Variants in MACROD2 observed in about 807,000 individuals in gnomAD.
MACROD2 encodes the protein mono-ADP ribosylhydrolase 2, also known as ADP-ribose glycohydrolase MACROD2.
Under a neutral mutation model 70.4 loss-of-function variants are expected in MACROD2, and 36 were observed. The observed-to-expected ratio is 0.51, with a 90% CI of 0.39 to 0.68. MACROD2 has a LOEUF of 0.68. Among genes scored for constraint, MACROD2 ranks in the 30% least tolerant of loss-of-function variants. MACROD2 has a pLI of 0.00. For missense variants in MACROD2, 496 were observed against 538.4 expected, an observed-to-expected ratio of 0.92 and a Z score of 0.78; for synonymous variants, 172 against 178.8, an observed-to-expected ratio of 0.96 and a Z score of 0.30.
Position 14,075,876 on chromosome 20 carries a change from T to C in MACROD2, c.164-9745T>C, listed in dbSNP as rs368867535. Among the ~76,000 whole-genome samples the C allele has an allele frequency of 8.4e-4, 128 of 152,308 alleles. 6 individuals are homozygous for C. In the South Asian group the frequency reaches 0.024, roughly 29 times the overall value. On this transcript the variant is annotated intron_variant, in intron 2 of 17. Coordinates refer to ENST00000684519, the MANE Select transcript of MACROD2 (RefSeq NM_001351661.2). The stretch of plus-strand genomic sequence containing the variant: ...GAATATTTTATCCAGTCAGATGGGC[T>C]TTGGAGACATCCTTAAAGCTGTTCG...
At chr20:15,049,121 C>T (rs1486132216) in intron 5 of MACROD2, among the ~76,000 whole-genome samples, 2 of 151,704 alleles carry the variant, frequency 1.3e-5, no homozygotes, top group East Asian at 3.9e-4. Flanking sequence ...AGATATAATA[C>T]ATGCCACTGT....
intron 8 of MACROD2, among the ~76,000 whole-genome samples, chr20:15,808,275 T>G (rs964242248): frequency 6.6e-6 from 1 of 152,204 alleles, no homozygotes; most frequent in African/African-American, 2.4e-5. Flanking sequence ...ATTTTCCTCT[T>G]CTTCATTACT....
At chr20:14,462,980 C>T (rs1407082446) in intron 3 of MACROD2, among the ~76,000 whole-genome samples, 2 of 152,062 alleles carry the variant, frequency 1.3e-5, no homozygotes, top group Non-Finnish European at 2.9e-5. Flanking sequence ...ATGCCTCCAG[C>T]TTTGTTCTTT....
intron 6 of MACROD2, among the ~76,000 whole-genome samples, chr20:15,364,649 C>G (rs1296726939): frequency 6.6e-6 from 1 of 152,158 alleles, no homozygotes; most frequent in Non-Finnish European, 1.5e-5. Context: ...AATGGTCTCT[C>G]AAATCTACCT....
chr20:15,501,175 A>G (rs1188038847), intron 8 of MACROD2, among the ~76,000 whole-genome samples: 1 of 152,228 alleles, frequency 6.6e-6, no homozygotes, highest in African/African-American at 2.4e-5. Context: ...AGTTCCTTTA[A>G]AAGCCAGTTA....
chr20:15,220,220 G>C (rs908572609), intron 5 of MACROD2, among the ~76,000 whole-genome samples: 1 of 152,142 alleles, frequency 6.6e-6, no homozygotes, highest in Non-Finnish European at 1.5e-5. Context: ...GCCCAGTCTA[G>C]ATTATCCCTT....
chr20:15,106,817 G>A (rs1026454940), intron 5 of MACROD2, among the ~76,000 whole-genome samples: 1 of 151,866 alleles, frequency 6.6e-6, no homozygotes, highest in Non-Finnish European at 1.5e-5. Context: ...ATTACATTAA[G>A]TGCCCTATTA....
chr20:14,364,241 A>T (rs2083251760), intron 3 of MACROD2, among the ~76,000 whole-genome samples: 1 of 152,180 alleles, frequency 6.6e-6, no homozygotes, highest in African/African-American at 2.4e-5. Context: ...GGATTTCCTT[A>T]ACAAGTTACT....
chr20:15,636,089 A>AAAAAAG (rs1459679844), intron 8 of MACROD2, among the ~76,000 whole-genome samples: 1,482 of 134,524 alleles, frequency 0.011, 48 homozygotes, highest in African/African-American at 0.026. Context: ...AAAAAAAAAA[A>AAAAAAG]AAAGAAAGAA....
intron 8 of MACROD2, among the ~76,000 whole-genome samples, chr20:15,775,380 C>CA (rs1200158566): frequency 6.6e-6 from 1 of 151,902 alleles, no homozygotes; most frequent in Non-Finnish European, 1.5e-5. Flanking sequence ...TCTTATCAGC[C>CA]AAAAAAGGAA....
At chr20:15,054,930 G>A (rs1038210302) in intron 5 of MACROD2, among the ~76,000 whole-genome samples, 1 of 147,238 alleles carries the variant, frequency 6.8e-6, no homozygotes. Flanking sequence ...TTACAGGCTT[G>A]TGCCGCCACA....
intron 8 of MACROD2, among the ~76,000 whole-genome samples, chr20:15,592,412 G>C (rs890061279): frequency 6.6e-6 from 1 of 152,196 alleles, no homozygotes; most frequent in Non-Finnish European, 1.5e-5. Context: ...TGATAGTAGA[G>C]GCAGGGTTTG....
At chr20:15,448,542 G>A (rs1231909806) in intron 7 of MACROD2, among the ~76,000 whole-genome samples, 2 of 152,076 alleles carry the variant, frequency 1.3e-5, no homozygotes, top group Non-Finnish European at 2.9e-5. Context: ...TCCCAGCACA[G>A]TGTTTGACAA....
In MACROD2 at chr20:15,750,018, TA is replaced by T. The variant is rs1312860530; in HGVS notation, c.646-112722del. On this transcript the variant is annotated intron_variant, in intron 8 of 17. Coordinates refer to ENST00000684519, the MANE Select transcript of MACROD2 (RefSeq NM_001351661.2). ...GTAGACAAATAAGACTACATTAAAC[TA>T]AAAACCTTTTTCACAGCAAAGGAAA... Among the ~76,000 whole-genome samples the T allele has an allele frequency of 3.3e-5, 5 of 152,042 alleles. No homozygotes were observed. The East Asian group carries it at 9.7e-4, about 29-fold the overall frequency.
At chr20:14,100,338 C>T (rs1016227215) in intron 3 of MACROD2, among the ~76,000 whole-genome samples, 4 of 151,534 alleles carry the variant, frequency 2.6e-5, no homozygotes. Flanking sequence ...CTTAAAGTCA[C>T]ATTCAAAATA....
intron 5 of MACROD2, among the ~76,000 whole-genome samples, chr20:14,808,966 T>TA (rs1467468950): frequency 6.6e-6 from 1 of 152,092 alleles, no homozygotes; most frequent in East Asian, 1.9e-4. Context: ...CAAAGAGACT[T>TA]AGACTCCTAC....
chr20:14,478,569 T>G (rs2084625014), intron 3 of MACROD2, among the ~76,000 whole-genome samples: 1 of 152,188 alleles, frequency 6.6e-6, no homozygotes, highest in Non-Finnish European at 1.5e-5. Context: ...TTCATGAATC[T>G]GTTGGTCTAT....
intron 4 of MACROD2, among the ~76,000 whole-genome samples, chr20:14,512,335 G>A (rs1402388676): frequency 2.1e-5 from 1 of 48,258 alleles, no homozygotes; most frequent in Non-Finnish European, 3.7e-5. Context: ...CGTAGTATGG[G>A]AGTTTCCCCT....
In MACROD2 at chr20:15,670,968, G is replaced by A. The variant is rs928886626; in HGVS notation, c.645+171121G>A. On this transcript the variant is annotated intron_variant, in intron 8 of 17. Coordinates refer to ENST00000684519, the MANE Select transcript of MACROD2 (RefSeq NM_001351661.2). Reference sequence around the variant, plus strand: ...GCTGTGTTTTATGATAAAGAAAAATGTATAAGCTAGTTTTTGCTGTATAAC... The same window carrying A: ...GCTGTGTTTTATGATAAAGAAAAATATATAAGCTAGTTTTTGCTGTATAAC... 2.0e-5 allele frequency among the ~76,000 whole-genome samples: 3 copies of A among 152,180 alleles called. No homozygotes were observed. In the South Asian group the frequency reaches 6.2e-4, roughly 31 times the overall value.
Sources: gnomAD v4.1 joint callset for allele counts (sites outside exome capture counted in the v4.1 genomes callset) on GRCh38, gnomAD v4.1.1 for gene constraint, MANE v1.5 for transcripts, NCBI Gene and HGNC (gene_info 2026-07-23, HGNC 2026-07-21) for gene names.